WDR11: variants seen among roughly 807,000 people sequenced by gnomAD.
WDR11 encodes WD repeat domain 11.
Under a neutral mutation model 151.2 loss-of-function variants are expected in WDR11, and 83 were observed. The ratio of observed to expected loss-of-function variants is 0.55; its 90% CI spans 0.46 to 0.66. WDR11 has a LOEUF of 0.66. WDR11 is among the 30% of genes least tolerant of loss of function. WDR11 has a pLI of 0.00. For missense variants in WDR11, 1,301 were observed against 1,480.9 expected (o/e 0.88, Z 1.99); for synonymous variants, 484 against 533.1 (o/e 0.91, Z 1.27).
chr10:120,871,408 G>C, intron 10 of WDR11, 62 bp downstream of exon 10: 1 of 1,505,192 alleles, frequency 6.6e-7, no homozygotes, highest in Non-Finnish European at 9.2e-7. Flanking sequence ...AGGTTTTCTA[G>C]TTTCTAGAAG....
chr10:120,887,400 T>C (rs1249573801), intron 16 of WDR11, among the ~76,000 whole-genome samples: 2 of 152,224 alleles, frequency 1.3e-5, no homozygotes, highest in Admixed American at 6.5e-5. Context: ...TTTTAATAGA[T>C]GGATCATGAA....
In WDR11 at chr10:120,895,098, C is replaced by T. The variant is rs139120202; in HGVS notation, c.2515+4211C>T. 3.1e-3 allele frequency among the ~76,000 whole-genome samples: 466 copies of T among 152,276 alleles called. 7 individuals carry two copies. The highest frequency in any genetic ancestry group is 0.01 in the African/African-American group (435 of 41,560). ...GCATGATGTAAACACTCGATGCTGC[C>T]TTCTACGTGGATTCTCTTGTATCTT... On this transcript the variant is annotated intron_variant, in intron 19 of 28. Coordinates refer to ENST00000263461, the MANE Select transcript of WDR11 (RefSeq NM_018117.12).
chr10:120,854,652 C>T (rs139325718), intron 2 of WDR11, among the ~76,000 whole-genome samples: 10 of 152,258 alleles, frequency 6.6e-5, no homozygotes, highest in African/African-American at 1.4e-4. Context: ...TCCTCACCAA[C>T]GCTTGCTGTT....
chr10:120,854,267 T>G (rs1165505595), intron 2 of WDR11, among the ~76,000 whole-genome samples: 1 of 152,208 alleles, frequency 6.6e-6, no homozygotes, highest in African/African-American at 2.4e-5. Flanking sequence ...TTATATAAAT[T>G]GAATCATATA....
chr10:120,883,564 T>G (rs1847105126), intron 13 of WDR11, among the ~76,000 whole-genome samples: 1 of 152,194 alleles, frequency 6.6e-6, no homozygotes, highest in Admixed American at 6.5e-5. Flanking sequence ...CAAGTTGGAC[T>G]CCTTGCCTAA....
At chr10:120,895,865 T>C (rs2901280) in intron 19 of WDR11, among the ~76,000 whole-genome samples, 40,314 of 152,118 alleles carry the variant, frequency 0.27, 5,918 homozygotes, top group African/African-American at 0.39. Context: ...ACAAGCACTC[T>C]CATCCATTGC....
chr10:120,888,989 C>G (rs555192486), intron 16 of WDR11, 89 bp from the exon 17 acceptor site: 9 of 985,476 alleles, frequency 9.1e-6, no homozygotes, highest in South Asian at 8.7e-5. Flanking sequence ...AAAGCACAGC[C>G]CTTTAAATTA....
chr10:120,906,762 G>A lies in WDR11; in HGVS notation c.3438-14G>A. The stretch of plus-strand genomic sequence containing the variant: ...AATCACAAAGCATAACTCTTGTTTT[G>A]TTCTGTTGAGCAGCATGAGATACTT... On this transcript the variant is annotated splice_polypyrimidine_tract_variant and intron_variant, in intron 27 of 28. Coordinates refer to ENST00000263461, the MANE Select transcript of WDR11 (RefSeq NM_018117.12). 1 of 1,614,064 alleles carries A rather than the reference G, an allele frequency of 6.2e-7. No homozygotes were observed.
chr10:120,877,448 A>G (rs1846834167), intron 11 of WDR11, among the ~76,000 whole-genome samples: 1 of 152,128 alleles, frequency 6.6e-6, no homozygotes, highest in African/African-American at 2.4e-5. Flanking sequence ...GCCATTAAGA[A>G]AATTTCACAG....
At position 120,909,061 on chromosome 10, in the gene WDR11, T is replaced by G. The variant is rs1317845530; in HGVS notation, c.*348T>G. 3.3e-6 allele frequency: 1 copy of G among 304,738 alleles called. No homozygotes were observed. The allele number at this position is 304,738 out of a possible 1,614,324, so 18.9% of individuals were successfully genotyped here. A position where few individuals can be genotyped will look rare whatever the true frequency, so the allele number is the denominator to read the frequency against. ...TTTCTCATTGATTAAATGTAAAGAT[T>G]ATTGAGAAACCTATAGTAAATGAAA... On this transcript the variant is annotated 3_prime_UTR_variant, in exon 29 of 29. Transcript: ENST00000263461.
Position 120,851,484 on chromosome 10 carries a change from C to T in WDR11, c.64C>T (p.His22Tyr), listed in dbSNP as rs1845769227. The T allele has an allele frequency of 1.2e-6, 2 of 1,611,836 alleles. No individual in the cohort carries two copies. The highest frequency in any genetic ancestry group is 1.7e-6 in the Non-Finnish European group (2 of 1,179,692). The change falls in exon 1 of 29, where the codon CAC (histidine) becomes TAC (tyrosine). Residue 22 changes from histidine (H) to tyrosine (Y), a missense_variant. Physicochemically the swap from His to Tyr is moderately conservative, Grantham distance 83. Around this residue, in one of 3 missense-constraint regions of WDR11, gnomAD observed 692 missense variants for 762.5 expected, o/e 0.91. Transcript: ENST00000263461. The stretch of plus-strand genomic sequence containing the variant: ...CACCCTCACGGGGGCCCTCAACGCC[C>T]ACAACAAGGCGGCGGTGGACTGGTG... ...ARTLTGALNA[H>Y]NKAAVDWGWQ...
chr10:120,851,397 C>T lies in WDR11; in HGVS notation c.-24C>T, dbSNP rs1430148217. The T allele has an allele frequency of 1.9e-6, 3 of 1,600,528 alleles. No individual in the cohort carries two copies. The highest frequency in any genetic ancestry group is 1.1e-5 in the South Asian group (1 of 88,596). ...CCGCTTCCTGGTTGCGGGTCAGCGC[C>T]CAGGTCCTGGGCTGGCCGCCGGGAT... On this transcript the variant is annotated 5_prime_UTR_variant, in exon 1 of 29. Transcript: ENST00000263461.
intron 11 of WDR11, among the ~76,000 whole-genome samples, chr10:120,877,359 A>G (rs1162936154): frequency 6.6e-6 from 1 of 152,186 alleles, no homozygotes; most frequent in Non-Finnish European, 1.5e-5. Context: ...TGTATTTTAT[A>G]TTCAGAGATA....
chr10:120,898,897 G>T (rs986233040), intron 19 of WDR11, among the ~76,000 whole-genome samples: 1 of 152,122 alleles, frequency 6.6e-6, no homozygotes, highest in African/African-American at 2.4e-5. Context: ...ACTTAAATAA[G>T]CCAACACCAT....
intron 3 of WDR11, among the ~76,000 whole-genome samples, chr10:120,859,715 A>G (rs1027613333): frequency 6.6e-6 from 1 of 152,120 alleles, no homozygotes; most frequent in Admixed American, 6.5e-5. Flanking sequence ...TTTTTTGAAA[A>G]ACCATGAAGA....
At chr10:120,864,388 A>G (rs920245319) in intron 5 of WDR11, among the ~76,000 whole-genome samples, 1 of 152,212 alleles carries the variant, frequency 6.6e-6, no homozygotes, top group African/African-American at 2.4e-5. Context: ...AATATATTTA[A>G]TATAGAAAAG....
intron 2 of WDR11, among the ~76,000 whole-genome samples, chr10:120,853,948 A>G (rs1845864455): frequency 6.6e-6 from 1 of 152,210 alleles, no homozygotes; most frequent in African/African-American, 2.4e-5. Context: ...CCTGTAATAT[A>G]TTGCATTATA....
intron 19 of WDR11, among the ~76,000 whole-genome samples, chr10:120,895,617 G>A (rs1847585938): frequency 6.6e-6 from 1 of 152,110 alleles, no homozygotes; most frequent in African/African-American, 2.4e-5. Context: ...TAATTCACAA[G>A]TCACAGACTG....
rs1210320093 is a variant in WDR11, at chr10:120,877,291, C to T, written c.1557-1062C>T. Among the ~76,000 whole-genome samples, 2 of 152,150 alleles carry T rather than the reference C, an allele frequency of 1.3e-5. 1 individual carries two copies. The highest frequency in any genetic ancestry group is 2.9e-5 in the Non-Finnish European group (2 of 68,026). ...TATCAGATAAATGTGAATGATCATA[C>T]AAAGATACTCCATTTTTATATGAAT... On this transcript the variant is annotated intron_variant, in intron 11 of 28. Coordinates refer to ENST00000263461, the MANE Select transcript of WDR11 (RefSeq NM_018117.12).
Sources: gnomAD v4.1 joint callset for allele counts (sites outside exome capture counted in the v4.1 genomes callset) on GRCh38, gnomAD v4.1.1 for gene constraint, gnomAD v4.1.1 regional missense constraint, MANE v1.5 for transcripts, NCBI Gene and HGNC (gene_info 2026-07-23, HGNC 2026-07-21) for gene names.